TSPAN1: variants seen among roughly 807,000 people sequenced by gnomAD.
TSPAN1 encodes tetraspanin-1.
Under a neutral mutation model 26.9 loss-of-function variants are expected in TSPAN1, and 23 were observed. That is an observed-to-expected ratio of 0.85 (90% confidence interval 0.62 to 1.21). TSPAN1 has a LOEUF of 1.21. TSPAN1 is among the 50% of genes most tolerant of loss of function. The probability of loss-of-function intolerance (pLI) is 0.00; values close to 1 mark genes in which losing one functional copy is unlikely to be tolerated. For synonymous variants in TSPAN1, 115 were observed against 114.8 expected, an observed-to-expected ratio of 1.00 and a Z score of -0.01; for missense variants, 283 against 298.4, an observed-to-expected ratio of 0.95 and a Z score of 0.38.
At chr1:46,176,449 C>G in intron 1 of TSPAN1, 1 of 1,535,734 alleles carries the variant, frequency 6.5e-7, no homozygotes, top group Non-Finnish European at 8.7e-7. Flanking sequence ...CCGAGGGCCA[C>G]GGACAAGCCG....
the TSPAN1 span, chr1:46,192,498 C>T: frequency 3.1e-6 from 5 of 1,614,160 alleles, no homozygotes; most frequent in Middle Eastern, 1.7e-4. Context: ...GCCTGCTAAA[C>T]CCTGGTCATT....
chr1:46,194,189 G>T, the TSPAN1 span: 1 of 1,609,666 alleles, frequency 6.2e-7, no homozygotes, highest in Non-Finnish European at 8.5e-7. Context: ...GCTCAGGTAG[G>T]GAAAGCCCAA....
the TSPAN1 span, chr1:46,192,302 A>T: frequency 6.2e-7 from 1 of 1,614,038 alleles, no homozygotes; most frequent in Non-Finnish European, 8.5e-7. Context: ...CTACCCTGAC[A>T]GTTACCTTTT....
At chr1:46,181,221 G>T in intron 3 of TSPAN1, 57 bp downstream of exon 3, 4 of 1,518,760 alleles carry the variant, frequency 2.6e-6, no homozygotes, top group Non-Finnish European at 3.6e-6. Context: ...GTCACAAGCT[G>T]AGTAGAGACT....
At chr1:46,189,102 G>A (rs1571644857), downstream of TSPAN1, 1 of 1,500,602 alleles carries the variant, frequency 6.7e-7, no homozygotes, top group East Asian at 2.3e-5. Flanking sequence ...CAGGAACGGG[G>A]TGTTGGAGCA....
At chr1:46,192,440 G>A in the TSPAN1 span, 7 of 1,614,134 alleles carry the variant, frequency 4.3e-6, no homozygotes, top group Non-Finnish European at 5.9e-6. Flanking sequence ...CATACCCCTG[G>A]GGACAGGGTG....
downstream of TSPAN1, chr1:46,190,493 C>T (rs2148172303): frequency 1.2e-6 from 2 of 1,607,490 alleles, no homozygotes; most frequent in East Asian, 2.2e-5. Flanking sequence ...TGTGAACTTC[C>T]ACTTCATAAG....
chr1:46,190,095 TTC>T (rs1183388338), downstream of TSPAN1: 47 of 1,233,972 alleles, frequency 3.8e-5, no homozygotes, highest in South Asian at 4.6e-5. Flanking sequence ...CACCTTGAAG[TTC>T]TTTTTTTTTT....
At chr1:46,189,470 GC>G, downstream of TSPAN1, 3 of 1,613,686 alleles carry the variant, frequency 1.9e-6, no homozygotes, top group Non-Finnish European at 2.5e-6. Context: ...GTAGGGGGAA[GC>G]CGGGACCCCC....
intron 1 of TSPAN1, chr1:46,176,609 G>T: frequency 1.9e-6 from 2 of 1,072,476 alleles, no homozygotes; most frequent in Non-Finnish European, 2.6e-6. Flanking sequence ...TCATGGGTCA[G>T]GCTCCTTCAC....
chr1:46,186,337 C>A (rs1215389704), downstream of TSPAN1, among the ~76,000 whole-genome samples: 1 of 152,072 alleles, frequency 6.6e-6, no homozygotes, highest in African/African-American at 2.4e-5. Context: ...CTTCAGGAGC[C>A]CCCTTCCTAG....
chr1:46,190,915 C>T (rs981867599), downstream of TSPAN1: 4 of 843,848 alleles, frequency 4.7e-6, no homozygotes, highest in South Asian at 4.2e-5. Context: ...AATTTCCCAC[C>T]GTCTTCTCCA....
At chr1:46,188,759 G>C, downstream of TSPAN1, 2 of 1,612,542 alleles carry the variant, frequency 1.2e-6, no homozygotes, top group Non-Finnish European at 1.7e-6. Context: ...AAGGCTGAGA[G>C]GAGGCCTGGT....
chr1:46,176,622 T>C, intron 1 of TSPAN1: 6 of 992,286 alleles, frequency 6.0e-6, no homozygotes, highest in Non-Finnish European at 8.6e-6. Flanking sequence ...TCCTTCACAA[T>C]CTTCTTTATT....
At chr1:46,186,582 C>T (rs1285057488), downstream of TSPAN1, among the ~76,000 whole-genome samples, 6 of 149,582 alleles carry the variant, frequency 4.0e-5, no homozygotes, top group East Asian at 7.8e-4. Flanking sequence ...ACTCTGCCTC[C>T]GGGTTCAAGC....
At chr1:46,182,222 C>G (rs1365405004) in intron 3 of TSPAN1, among the ~76,000 whole-genome samples, 3 of 142,148 alleles carry the variant, frequency 2.1e-5, no homozygotes, top group Non-Finnish European at 4.5e-5. Flanking sequence ...ATCATGTGCG[C>G]ACAGGTAGCC....
chr1:46,183,512 T>C, intron 3 of TSPAN1: 1 of 158,004 alleles, frequency 6.3e-6, no homozygotes. Flanking sequence ...CTCCTCAATC[T>C]AGGCCTCAGA....
At chr1:46,176,610 G>C in intron 1 of TSPAN1, 1 of 1,059,130 alleles carries the variant, frequency 9.4e-7, no homozygotes, top group Non-Finnish European at 1.3e-6. Context: ...CATGGGTCAG[G>C]CTCCTTCACA....
chr1:46,193,634 A>G, the TSPAN1 span: 1 of 1,614,216 alleles, frequency 6.2e-7, no homozygotes, highest in African/African-American at 1.3e-5. Flanking sequence ...CAGAGAGCGC[A>G]GCATCCTGGG....
Sources: allele counts gnomAD v4.1 joint callset (sites outside exome capture counted in the v4.1 genomes callset), GRCh38; gene constraint gnomAD v4.1.1; transcripts MANE v1.5; gene names NCBI Gene and HGNC (gene_info 2026-07-23, HGNC 2026-07-21).